Variants in COL16A1 observed in about 807,000 individuals in gnomAD.
COL16A1 encodes the protein collagen alpha-1(XVI) chain.
Under a neutral mutation model 266.3 loss-of-function variants are expected in COL16A1, and 189 were observed. The ratio of observed to expected loss-of-function variants is 0.71; its 90% CI spans 0.63 to 0.80. The LOEUF (loss-of-function observed/expected upper bound fraction) is 0.80. Ranked by LOEUF, COL16A1 falls within the 30% of genes least tolerant of loss-of-function variation. The pLI, the probability that COL16A1 is intolerant of heterozygous loss-of-function variation, is 0.00. For synonymous variants in COL16A1, 740 were observed against 782.3 expected, an observed-to-expected ratio of 0.95 and a Z score of 0.90; for missense variants, 1,928 against 2,122.4, an observed-to-expected ratio of 0.91 and a Z score of 1.80.
rs1644590947 is a variant in COL16A1, at chr1:31,698,413, G to C, written c.390+70C>G. On this transcript the variant is annotated intron_variant, in intron 5 of 70. Transcript: ENST00000373672. This position sits in a 1 kb window ranked among gnomAD's most constrained non-coding sequence, Gnocchi z 4.1. ...GGGAGACCCCAGAAGTCACAAGCCG[G>C]GATGAAAGGTGGGCTGGACTGGTGC... is the stretch of plus-strand genomic sequence containing the variant. 2 of 1,598,462 alleles carry C rather than the reference G, an allele frequency of 1.3e-6. No homozygotes were observed. The highest frequency in any genetic ancestry group is 1.7e-6 in the Non-Finnish European group (2 of 1,171,196).
chr1:31,654,449 A>G (rs529105003), intron 68 of COL16A1, among the ~76,000 whole-genome samples: 14 of 146,204 alleles, frequency 9.6e-5, no homozygotes, highest in Admixed American at 3.5e-4. Context: ...AGAAAAAAAC[A>G]CTTCAAATAA....
Position 31,698,334 on chromosome 1 carries a change from AGGTAGGTACT to A in COL16A1, c.390+139_390+148del. 6.6e-7 allele frequency: 1 copy of A among 1,517,642 alleles called. No individual in the cohort carries two copies. The highest frequency in any genetic ancestry group is 8.9e-7 in the Non-Finnish European group (1 of 1,128,162). 94.0% of individuals were successfully genotyped at this position (1,517,642 alleles called of 1,614,324 possible). A position where few individuals can be genotyped will look rare whatever the true frequency, so the allele number is the denominator to read the frequency against. On this transcript the variant is annotated intron_variant, in intron 5 of 70. Transcript: ENST00000373672. The surrounding 1 kb of genome is among the most constrained non-coding windows in gnomAD (Gnocchi z 4.1). The stretch of plus-strand genomic sequence containing the variant: ...AGGAGCTATACATCCTGAAAGAATG[AGGTAGGTACT>A]GGTGGGCTGGGGACAGGCTTGAGGG...
chr1:31,689,014 C>T, intron 24 of COL16A1, 36 bp downstream of exon 24: 2 of 1,613,978 alleles, frequency 1.2e-6, no homozygotes, highest in Non-Finnish European at 1.7e-6. Context: ...TCCAGGTAGG[C>T]AGAGGAGGGC....
At position 31,673,236 on chromosome 1, in the gene COL16A1, G is replaced by A. The variant is rs139483809; in HGVS notation, c.2860-396C>T. ...CGAACGCCAGCTTCTCTGCCCAAGGGAGCAAAGGAACAGCTGCGGGAGGAG... is the reference window on the plus strand; with the variant it reads ...CGAACGCCAGCTTCTCTGCCCAAGGAAGCAAAGGAACAGCTGCGGGAGGAG... On this transcript the variant is annotated intron_variant, in intron 44 of 70. Coordinates refer to ENST00000373672, the MANE Select transcript of COL16A1 (RefSeq NM_001856.4). 2.3e-3 allele frequency: 747 copies of A among 320,492 alleles called. 3 individuals carry two copies. The highest frequency in any genetic ancestry group is 0.015 in the African/African-American group (698 of 46,246). The allele number at this position is 320,492 out of a possible 1,614,324, so 19.9% of individuals were successfully genotyped here.
At chr1:31,665,796 G>A in intron 54 of COL16A1, 86 bp downstream of exon 54, 4 of 1,605,420 alleles carry the variant, frequency 2.5e-6, no homozygotes, top group Admixed American at 3.3e-5. Flanking sequence ...CCAAGGACAG[G>A]TAGGGTGGGG....
intron 62 of COL16A1, among the ~76,000 whole-genome samples, chr1:31,660,347 G>A (rs1641543004): frequency 6.6e-6 from 1 of 152,128 alleles, no homozygotes; most frequent in African/African-American, 2.4e-5. Flanking sequence ...ATGGCACAGG[G>A]GCTCCACAAT....
At chr1:31,693,263 C>T (rs755807014) in intron 12 of COL16A1, 109 bp from the exon 13 acceptor site, 46 of 720,596 alleles carry the variant, frequency 6.4e-5, no homozygotes, top group East Asian at 2.2e-4. Flanking sequence ...CACACGGGTA[C>T]GCAAATACGC....
intron 10 of COL16A1, among the ~76,000 whole-genome samples, chr1:31,695,551 C>T (rs983335179): frequency 3.3e-5 from 5 of 152,144 alleles, no homozygotes; most frequent in African/African-American, 1.2e-4. Context: ...TGGCCATTTG[C>T]TGCCAACTCA....
chr1:31,662,129 T>G (rs1205700242), intron 58 of COL16A1, among the ~76,000 whole-genome samples: 1 of 152,148 alleles, frequency 6.6e-6, no homozygotes, highest in Non-Finnish European at 1.5e-5. Flanking sequence ...CTAACCTGCT[T>G]AAGGCCACTA....
rs763575564 is a variant in COL16A1, at chr1:31,691,161, C to G, written c.1437+27G>C. On this transcript the variant is annotated intron_variant, in intron 20 of 70. Coordinates refer to ENST00000373672, the MANE Select transcript of COL16A1 (RefSeq NM_001856.4). ...CTCCTGTCAAGCATGGAGCTCCCCACGTGACCACACTCCCACCTATGCTCA... is the reference window on the plus strand; with the variant it reads ...CTCCTGTCAAGCATGGAGCTCCCCAGGTGACCACACTCCCACCTATGCTCA... The G allele has an allele frequency of 1.9e-6, 3 of 1,611,036 alleles. No individual in the cohort carries two copies. In the South Asian group the frequency reaches 3.3e-5, roughly 18 times the overall value.
rs746169503 is a variant in COL16A1 at position 31,655,508 on chromosome 1, AAGAT to A, written c.4102-10_4102-7del. The stretch of plus-strand genomic sequence containing the variant: ...CCTGCAGCTCCTGGATCACCCTACA[AAGAT>A]AGATACTTAGTGCTGTCAAATTTAC... On this transcript the variant is annotated splice_region_variant and splice_polypyrimidine_tract_variant and intron_variant, in intron 66 of 70. Transcript: ENST00000373672. The A allele has an allele frequency of 5.8e-5, 93 of 1,613,498 alleles. No homozygotes were observed. In the Middle Eastern group the frequency reaches 6.6e-4, roughly 11 times the overall value.
Position 31,670,993 on chromosome 1 carries a change from G to C in COL16A1, c.3151-347C>G, listed in dbSNP as rs1480932178. The stretch of plus-strand genomic sequence containing the variant: ...CCCGACCTCCACCTGTCCCCCGAGT[G>C]GGGGGCTCCCTGGCTCTAAGACAGC... On this transcript the variant is annotated intron_variant, in intron 48 of 70. Coordinates refer to ENST00000373672, the MANE Select transcript of COL16A1 (RefSeq NM_001856.4). The surrounding 1 kb of genome is among the most constrained non-coding windows in gnomAD (Gnocchi z 4.5). 3.3e-5 allele frequency among the ~76,000 whole-genome samples: 5 copies of C among 152,282 alleles called. No homozygotes were observed. The highest frequency in any genetic ancestry group is 7.2e-5 in the African/African-American group (3 of 41,568).
intron 52 of COL16A1, 26 bp from the exon 53 acceptor site, chr1:31,666,107 G>C: frequency 6.2e-7 from 1 of 1,604,300 alleles, no homozygotes; most frequent in African/African-American, 1.4e-5. Flanking sequence ...AACAGAATCA[G>C]TCACTCCTCC....
chr1:31,700,696 T>C (rs1160045006), intron 2 of COL16A1, among the ~76,000 whole-genome samples: 3 of 152,126 alleles, frequency 2.0e-5, no homozygotes, highest in Admixed American at 6.5e-5. Flanking sequence ...AATAGGAACG[T>C]CCTACATCCA....
At chr1:31,679,579 C>A (rs1643448686) in intron 42 of COL16A1, 53 bp downstream of exon 42, 10 of 1,614,112 alleles carry the variant, frequency 6.2e-6, no homozygotes, top group Non-Finnish European at 7.6e-6. Flanking sequence ...GAGCAGCCAT[C>A]CTGACCCATG....
rs1352382620 is a variant in COL16A1, at chr1:31,657,318, C to G, written c.4021-250G>C. On this transcript the variant is annotated intron_variant, in intron 64 of 70. Coordinates refer to ENST00000373672, the MANE Select transcript of COL16A1 (RefSeq NM_001856.4). The surrounding 1 kb of genome is among the most constrained non-coding windows in gnomAD (Gnocchi z 6.4). ...AGAGCTTTACAAGGGAAGAACAGACCGTGCCTGCCTTGCTGTGTGCTTGGA... is the reference window on the plus strand; with the variant it reads ...AGAGCTTTACAAGGGAAGAACAGACGGTGCCTGCCTTGCTGTGTGCTTGGA... 9 of 565,172 alleles carry G rather than the reference C, an allele frequency of 1.6e-5. No homozygotes were observed. The highest frequency in any genetic ancestry group is 2.5e-5 in the Non-Finnish European group (8 of 315,908). 35.0% of individuals were successfully genotyped at this position (565,172 alleles called of 1,614,324 possible). A position where few individuals can be genotyped will look rare whatever the true frequency, so the allele number is the denominator to read the frequency against.
intron 42 of COL16A1, 74 bp from the exon 43 acceptor site, chr1:31,675,385 C>A (rs558342938): frequency 1.9e-6 from 3 of 1,564,376 alleles, no homozygotes; most frequent in East Asian, 4.7e-5. Context: ...TCCTTCTCAT[C>A]ATCCCCGCCT....
In COL16A1 at chr1:31,685,521, A is replaced by AC; in HGVS notation, c.2016+117dup. ...GAGACAGAGGCTCTGACCCCGCCACACCCTCCCCACTACCCCCAACTGCCC... is the reference window on the plus strand; with the variant it reads ...GAGACAGAGGCTCTGACCCCGCCACACCCCTCCCCACTACCCCCAACTGCCC... On this transcript the variant is annotated intron_variant, in intron 29 of 70. Transcript: ENST00000373672. The surrounding 1 kb of genome is among the most constrained non-coding windows in gnomAD (Gnocchi z 4.0). 9.1e-7 allele frequency: 1 copy of AC among 1,100,548 alleles called. No individual in the cohort carries two copies. The highest frequency in any genetic ancestry group is 1.3e-6 in the Non-Finnish European group (1 of 764,412). 68.2% of individuals were successfully genotyped at this position (1,100,548 alleles called of 1,614,324 possible).
At chr1:31,660,284 ACT>A (rs1048757362) in intron 62 of COL16A1, 9 of 306,390 alleles carry the variant, frequency 2.9e-5, no homozygotes, top group African/African-American at 1.1e-4. Flanking sequence ...TCTTTCTGTC[ACT>A]CTGTCTCCCC....
Sources: allele counts gnomAD v4.1 joint callset (sites outside exome capture counted in the v4.1 genomes callset), GRCh38; gene constraint gnomAD v4.1.1; non-coding constraint Gnocchi (gnomAD v3.1); transcripts MANE v1.5; gene names NCBI Gene and HGNC (gene_info 2026-07-23, HGNC 2026-07-21).